Variants in NRXN3 observed in about 807,000 individuals in gnomAD.
The protein encoded by NRXN3 is neurexin III.
Under a neutral mutation model 137.6 loss-of-function variants are expected in NRXN3, and 32 were observed. That is an observed-to-expected ratio of 0.23 (90% CI 0.18 to 0.31). The LOEUF (loss-of-function observed/expected upper bound fraction) is 0.31, where lower values mean the gene tolerates loss of function less well. Ranked by LOEUF, NRXN3 falls within the 10% of genes least tolerant of loss-of-function variation. The pLI, the probability that NRXN3 is intolerant of heterozygous loss-of-function variation, is 1.00. For synonymous variants in NRXN3, 798 were observed against 784.5 expected (o/e 1.02, Z -0.29); for missense variants, 1,574 against 2,062.5 (o/e 0.76, Z 4.59).
At chr14:79,533,089 C>CTTATAG (rs869269476) in intron 16 of NRXN3, among the ~76,000 whole-genome samples, 5 of 1,032 alleles carry the variant, frequency 4.8e-3, no homozygotes, top group African/African-American at 0.027. Flanking sequence ...TTAATAATTT[C>CTTATAG]TTATCAAGTG....
chr14:78,951,584 A>T (rs1254278969), intron 10 of NRXN3, among the ~76,000 whole-genome samples: 1 of 152,134 alleles, frequency 6.6e-6, no homozygotes, highest in Non-Finnish European at 1.5e-5. Context: ...TAGGGTTGAC[A>T]GAACTCAACC....
At chr14:78,994,377 C>T (rs1028702960) in intron 15 of NRXN3, among the ~76,000 whole-genome samples, 1 of 152,142 alleles carries the variant, frequency 6.6e-6, no homozygotes, top group Non-Finnish European at 1.5e-5. Flanking sequence ...ATAGGCTATG[C>T]ATTTTTCAAG....
At chr14:79,585,212 G>A (rs536830620) in intron 16 of NRXN3, among the ~76,000 whole-genome samples, 1 of 152,304 alleles carries the variant, frequency 6.6e-6, no homozygotes, top group East Asian at 1.9e-4. Context: ...ACAACATCTG[G>A]ATGAGTTTGG....
intron 20 of NRXN3, among the ~76,000 whole-genome samples, chr14:79,820,669 C>T (rs2099268959): frequency 6.6e-6 from 1 of 151,978 alleles, no homozygotes; most frequent in African/African-American, 2.4e-5. Context: ...TCTCACCCTC[C>T]CTGCTCAAGT....
chr14:79,500,840 ACTTCT>A (rs1295601894), intron 16 of NRXN3, among the ~76,000 whole-genome samples: 1 of 152,192 alleles, frequency 6.6e-6, no homozygotes, highest in African/African-American at 2.4e-5. Flanking sequence ...ACAAAGGGAA[ACTTCT>A]CTTAATATGA....
In NRXN3 at chr14:79,059,204, A is replaced by T. The variant is rs184858582; in HGVS notation, c.3262+71063A>T. 1.0e-4 allele frequency among the ~76,000 whole-genome samples: 15 copies of T among 150,382 alleles called. No individual in the cohort carries two copies. In the East Asian group the frequency reaches 2.5e-3, roughly 25 times the overall value. The stretch of plus-strand genomic sequence containing the variant: ...TCCTTATCACCAGCAGATCAAAACA[A>T]TGAGGGCATTGATCTATCATAAGAA... On this transcript the variant is annotated intron_variant, in intron 15 of 20. Coordinates refer to ENST00000335750, the MANE Select transcript of NRXN3 (RefSeq NM_001330195.2).
At chr14:79,065,392 A>G (rs1037431714) in intron 15 of NRXN3, among the ~76,000 whole-genome samples, 6 of 152,146 alleles carry the variant, frequency 3.9e-5, no homozygotes, top group Non-Finnish European at 7.4e-5. Context: ...AGGTTGCTGG[A>G]CTTTAGGGTG....
intron 10 of NRXN3, among the ~76,000 whole-genome samples, chr14:78,842,406 C>A (rs1489038960): frequency 6.6e-6 from 1 of 151,962 alleles, no homozygotes; most frequent in East Asian, 1.9e-4. Flanking sequence ...TTAGTGATTT[C>A]CAAAAGGGGA....
intron 4 of NRXN3, among the ~76,000 whole-genome samples, chr14:78,523,485 A>G (rs2096315683): frequency 6.6e-6 from 1 of 152,062 alleles, no homozygotes; most frequent in Admixed American, 6.6e-5. Context: ...CACAGTGCCC[A>G]GTAATGGTTA....
intron 1 of NRXN3, among the ~76,000 whole-genome samples, chr14:78,192,505 C>G (rs2060844034): frequency 6.6e-6 from 1 of 152,138 alleles, no homozygotes; most frequent in African/African-American, 2.4e-5. Flanking sequence ...TATTGAGTAC[C>G]TGCTGGGTTC....
At chr14:78,226,392 C>T (rs1335111545) in intron 1 of NRXN3, among the ~76,000 whole-genome samples, 2 of 152,100 alleles carry the variant, frequency 1.3e-5, no homozygotes, top group Non-Finnish European at 2.9e-5. Context: ...CGCTTAACTC[C>T]CTCTTGTCAC....
chr14:78,432,697 C>T (rs2093932674), intron 4 of NRXN3, among the ~76,000 whole-genome samples: 1 of 152,170 alleles, frequency 6.6e-6, no homozygotes, highest in Non-Finnish European at 1.5e-5. Context: ...TTCCTCTTGT[C>T]CTAATACCTT....
chr14:78,486,947 G>A (rs909942727), intron 4 of NRXN3, among the ~76,000 whole-genome samples: 3 of 152,126 alleles, frequency 2.0e-5, no homozygotes, highest in Non-Finnish European at 4.4e-5. Context: ...ACACAGCAAA[G>A]GGGCTTCCAA....
chr14:79,132,916 G>T (rs2057743261), intron 15 of NRXN3, among the ~76,000 whole-genome samples: 1 of 152,170 alleles, frequency 6.6e-6, no homozygotes, highest in Non-Finnish European at 1.5e-5. Flanking sequence ...CCTGAGTTGG[G>T]CCAAGATGGC....
Position 79,722,708 on chromosome 14 carries a change from G to C in NRXN3, c.4014+24771G>C, listed in dbSNP as rs138432519. ...TCATTATCCTGCTATTAATTCTACT[G>C]TGTTCTAAGTGTCTTTTCACTCTGC... On this transcript the variant is annotated intron_variant, in intron 19 of 20. Transcript: ENST00000335750. Among the ~76,000 whole-genome samples the C allele has an allele frequency of 6.6e-5, 10 of 152,120 alleles. No homozygotes were observed. The East Asian group carries it at 1.9e-3, about 29-fold the overall frequency.
intron 15 of NRXN3, among the ~76,000 whole-genome samples, chr14:79,307,439 T>C (rs2086287413): frequency 6.6e-6 from 1 of 152,116 alleles, no homozygotes; most frequent in South Asian, 2.1e-4. Flanking sequence ...AATCTATTGT[T>C]TCATGAAAAC....
At chr14:78,989,273 T>A (rs1372558461) in intron 15 of NRXN3, among the ~76,000 whole-genome samples, 1 of 152,198 alleles carries the variant, frequency 6.6e-6, no homozygotes, top group African/African-American at 2.4e-5. Flanking sequence ...TACAATGCTA[T>A]GCCCCCCAGA....
At chr14:79,336,876 T>C (rs1174849759) in intron 15 of NRXN3, among the ~76,000 whole-genome samples, 5 of 152,146 alleles carry the variant, frequency 3.3e-5, no homozygotes, top group African/African-American at 1.2e-4. Context: ...ACCCAACATC[T>C]TACATATTTT....
At chr14:79,577,044 A>G (rs1220747226) in intron 16 of NRXN3, among the ~76,000 whole-genome samples, 2 of 152,102 alleles carry the variant, frequency 1.3e-5, no homozygotes, top group Non-Finnish European at 2.9e-5. Flanking sequence ...AGTTTCCCCC[A>G]TACTGTTCTC....
Sources: allele counts gnomAD v4.1 joint callset (sites outside exome capture counted in the v4.1 genomes callset), GRCh38; gene constraint gnomAD v4.1.1; transcripts MANE v1.5; gene names NCBI Gene and HGNC (gene_info 2026-07-23, HGNC 2026-07-21).